Variants in WNT8B observed in about 807,000 individuals in gnomAD.
WNT8B encodes Wnt family member 8B, also known as protein Wnt-8b.
WNT8B carries 24 observed loss-of-function variants against 36.6 expected under a neutral mutation model. The observed-to-expected ratio is 0.66, with a 90% CI of 0.48 to 0.92. WNT8B has a LOEUF of 0.92. Among genes scored for constraint, WNT8B ranks in the 40% least tolerant of loss-of-function variants. The pLI is 0.00. For synonymous variants in WNT8B, 199 were observed against 189.8 expected (o/e 1.05, Z -0.40); for missense variants, 402 against 470.8 (o/e 0.85, Z 1.35).
rs1554840045 is a variant in WNT8B, at chr10:100,477,784, G to GTTTTTTTTTGT, written c.69-1259_69-1258insGTTTTTTTTTT. The stretch of plus-strand genomic sequence containing the variant: ...ACAAGTTCATTTTTAGTTTTTTTTT[G>GTTTTTTTTTGT]TTTTTTTTTTGGGACAGAATATCAC... On this transcript the variant is annotated intron_variant, in intron 1 of 5. Transcript: ENST00000343737. Among the ~76,000 whole-genome samples, 75 of 143,182 alleles carry GTTTTTTTTTGT rather than the reference G, an allele frequency of 5.2e-4. 1 individual carries two copies. The East Asian group carries it at 8.0e-3, about 15-fold the overall frequency. The allele number at this position is 143,182 out of a possible 152,430, so 93.9% of individuals were successfully genotyped here.
Position 100,481,113 on chromosome 10 carries a change from C to T in WNT8B, c.357C>T (p.Asn119=), listed in dbSNP as rs746552461. The change falls in exon 4 of 6, where the codon AAC becomes AAT. Residue 119 remains asparagine (N), a synonymous_variant. Transcript: ENST00000343737. ...FDNCGCDDSR[N]GQLGGQGWLW... is the part of the protein sequence containing the mutation. ...ACTGTGGCTGTGATGACTCCCGCAA[C>T]GGGCAACTGGGTGAGTAGTAATGTA... 1.1e-5 allele frequency: 18 copies of T among 1,613,966 alleles called. No homozygotes were observed. Among genetic ancestry groups the T allele is most frequent in the South Asian group, 3.3e-5 (3 of 91,054 alleles).
At chr10:100,472,320 G>A (rs11190571) in intron 1 of WNT8B, among the ~76,000 whole-genome samples, 32,168 of 151,238 alleles carry the variant, frequency 0.21, 3,510 homozygotes, top group Non-Finnish European at 0.23. Flanking sequence ...CCGTGGTCTC[G>A]ATCTCCTGAC....
intron 1 of WNT8B, among the ~76,000 whole-genome samples, chr10:100,475,871 G>A (rs1263905444): frequency 2.0e-5 from 3 of 152,138 alleles, no homozygotes; most frequent in Non-Finnish European, 4.4e-5. Flanking sequence ...ACCTATAATG[G>A]CTTTGGAAAT....
At position 100,481,933 on chromosome 10, in the gene WNT8B, G is replaced by A; in HGVS notation, c.389G>A (p.Gly130Glu). 6.2e-7 allele frequency: 1 copy of A among 1,614,140 alleles called. No individual in the cohort carries two copies. Among genetic ancestry groups the A allele is most frequent in the Non-Finnish European group, 8.5e-7 (1 of 1,180,036 alleles). ...GQLGGQGWLWGGCSDNVGFGE... is the reference protein window; with the variant it reads ...GQLGGQGWLWEGCSDNVGFGE... ...CCAGGGGGACAAGGCTGGCTGTGGG[G>A]AGGCTGCAGTGACAATGTGGGCTTC... The change falls in exon 5 of 6, where the codon GGA becomes GAA. Residue 130 changes from glycine (G) to glutamate (E), a missense_variant. This residue lies in a region of WNT8B where 15 missense variants were observed against 39.6 expected (regional missense o/e 0.38). Coordinates refer to ENST00000343737, the MANE Select transcript of WNT8B (RefSeq NM_003393.4).
At chr10:100,475,900 A>AT (rs777262697) in intron 1 of WNT8B, among the ~76,000 whole-genome samples, 3 of 152,194 alleles carry the variant, frequency 2.0e-5, no homozygotes, top group Non-Finnish European at 4.4e-5. Flanking sequence ...CATTTAAGTC[A>AT]TTCTGAATTG....
chr10:100,477,942 A>ATTTTT (rs34357304), intron 1 of WNT8B, among the ~76,000 whole-genome samples: 59 of 126,690 alleles, frequency 4.7e-4, no homozygotes, highest in African/African-American at 1.7e-3. Context: ...ATGCCTAGCT[A>ATTTTT]TTTTTTTTTT....
chr10:100,479,840 T>C (rs1851086775), intron 2 of WNT8B, 34 bp from the exon 3 acceptor site: 1 of 1,611,064 alleles, frequency 6.2e-7, no homozygotes, highest in Admixed American at 1.7e-5. Context: ...GCCTCCTAAG[T>C]TCAGTCTGAA....
At chr10:100,476,207 G>T (rs1372231261) in intron 1 of WNT8B, among the ~76,000 whole-genome samples, 2 of 152,038 alleles carry the variant, frequency 1.3e-5, no homozygotes, top group Non-Finnish European at 2.9e-5. Flanking sequence ...TACTCGGGAG[G>T]CTGAGGCAGG....
In WNT8B at chr10:100,479,808, G is replaced by A. The variant is rs1703640523; in HGVS notation, c.103-66G>A. The A allele has an allele frequency of 1.9e-6, 3 of 1,577,526 alleles. No individual in the cohort carries two copies. The Admixed American group carries it at 5.2e-5, about 28-fold the overall frequency. On this transcript the variant is annotated intron_variant, in intron 2 of 5. Coordinates refer to ENST00000343737, the MANE Select transcript of WNT8B (RefSeq NM_003393.4). ...TGGGAGAGTGAGCAGGAAGAGGGCT[G>A]TTTGGTCAGTTTAGGGTAAATGCCT...
In WNT8B at chr10:100,463,043, C is replaced by G; in HGVS notation, c.-126C>G. 1.2e-6 allele frequency: 1 copy of G among 829,118 alleles called. No individual in the cohort carries two copies. The highest frequency in any genetic ancestry group is 2.2e-5 in the Admixed American group (1 of 44,504). 51.4% of individuals were successfully genotyped at this position (829,118 alleles called of 1,614,324 possible). A position where few individuals can be genotyped will look rare whatever the true frequency, so the allele number is the denominator to read the frequency against. On this transcript the variant is annotated 5_prime_UTR_variant, in exon 1 of 6. Transcript: ENST00000343737. ...CTCCCCTTAACTCTGTTTGGGATCG[C>G]TTACACACCAAGGAAGTTGGGCTTT... is the stretch of plus-strand genomic sequence containing the variant.
At chr10:100,477,025 C>T (rs1423464253) in intron 1 of WNT8B, among the ~76,000 whole-genome samples, 2 of 152,206 alleles carry the variant, frequency 1.3e-5, no homozygotes, top group African/African-American at 4.8e-5. Flanking sequence ...TCTCATGTTA[C>T]TCTTTACAGC....
intron 1 of WNT8B, among the ~76,000 whole-genome samples, chr10:100,465,786 C>T (rs560741323): frequency 2.0e-5 from 3 of 152,118 alleles, no homozygotes; most frequent in Non-Finnish European, 4.4e-5. Context: ...TCTTTTGGTC[C>T]TCTACATGCA....
intron 1 of WNT8B, among the ~76,000 whole-genome samples, chr10:100,470,881 T>C (rs866674145): frequency 6.6e-6 from 1 of 152,156 alleles, no homozygotes; most frequent in Non-Finnish European, 1.5e-5. Flanking sequence ...TAGCTGGGAC[T>C]ACAAGTCCAC....
intron 1 of WNT8B, among the ~76,000 whole-genome samples, chr10:100,466,767 T>C (rs1450073569): frequency 6.6e-6 from 1 of 152,104 alleles, no homozygotes; most frequent in Non-Finnish European, 1.5e-5. Flanking sequence ...CTTTTTTTTT[T>C]CTTTTTCCCA....
intron 1 of WNT8B, among the ~76,000 whole-genome samples, chr10:100,478,152 T>C (rs1216928938): frequency 6.6e-6 from 1 of 152,194 alleles, no homozygotes; most frequent in Admixed American, 6.5e-5. Flanking sequence ...TAGAGTTTTA[T>C]TATGACTCAA....
At position 100,482,556 on chromosome 10, in the gene WNT8B, G is replaced by A; in HGVS notation, c.796G>A (p.Gly266Ser). The change falls in exon 6 of 6, where the codon GGC becomes AGC. Residue 266 changes from glycine to serine, a missense_variant. Gly to Ser is a moderately conservative substitution (Grantham distance 56). This residue lies in a region of WNT8B where 256 missense variants were observed against 278.6 expected (regional missense o/e 0.92). Coordinates refer to ENST00000343737, the MANE Select transcript of WNT8B (RefSeq NM_003393.4). The surrounding 1 kb of genome is among the most constrained non-coding windows in gnomAD (Gnocchi z 6.6). ...GGAGAACAAAACGCTAGGGCTGCTG[G>A]GCACCGAAGGCCGAGAGTGCCTAAG... Reference protein sequence around the residue: ...CLENKTLGLLGTEGRECLRRG... With the variant: ...CLENKTLGLLSTEGRECLRRG... 1 of 1,598,680 alleles carries A rather than the reference G, an allele frequency of 6.3e-7. No homozygotes were observed. Among genetic ancestry groups the A allele is most frequent in the Non-Finnish European group, 8.5e-7 (1 of 1,178,720 alleles).
rs2133660230 is a variant in WNT8B at position 100,482,743 on chromosome 10, T to C, written c.983T>C (p.Val328Ala). Residue 328 changes from valine to alanine, a missense_variant, in exon 6 of 6, where the codon GTC becomes GCC. Physicochemically the swap from Val to Ala is moderately conservative, Grantham distance 64 (BLOSUM62 0). Around this residue, in one of 3 missense-constraint regions of WNT8B, gnomAD observed 256 missense variants for 278.6 expected, o/e 0.92. Coordinates refer to ENST00000343737, the MANE Select transcript of WNT8B (RefSeq NM_003393.4). This position sits in a 1 kb window ranked among gnomAD's most constrained non-coding sequence, Gnocchi z 6.6. ...CGCTGCGAGCAGTGCCGCCGGAGGG[T>C]CACCAAGTACTTCTGTAGCCGCGCA... ...AVRCEQCRRR[V>A]TKYFCSRAER... 6.2e-7 allele frequency: 1 copy of C among 1,603,808 alleles called. No homozygotes were observed. The highest frequency in any genetic ancestry group is 8.5e-7 in the Non-Finnish European group (1 of 1,175,574).
At chr10:100,470,590 A>G (rs2133652171) in intron 1 of WNT8B, among the ~76,000 whole-genome samples, 1 of 152,254 alleles carries the variant, frequency 6.6e-6, no homozygotes, top group South Asian at 2.1e-4. Context: ...GGGAGAAGCC[A>G]GAAATACTAC....
intron 1 of WNT8B, among the ~76,000 whole-genome samples, 169 bp from the exon 2 acceptor site, chr10:100,478,883 G>A (rs957453980): frequency 3.3e-5 from 5 of 152,140 alleles, no homozygotes; most frequent in Non-Finnish European, 5.9e-5. Context: ...CCACCTGGCT[G>A]TAAATCATCT....
Sources: allele counts gnomAD v4.1 joint callset (sites outside exome capture counted in the v4.1 genomes callset), GRCh38; gene constraint gnomAD v4.1.1; regional missense constraint gnomAD v4.1.1; non-coding constraint Gnocchi (gnomAD v3.1); transcripts MANE v1.5; gene names NCBI Gene and HGNC (gene_info 2026-07-23, HGNC 2026-07-21).